Variants in MYO16 observed in about 807,000 individuals in gnomAD.
MYO16 encodes the protein myosin XVI.
A neutral mutation model predicts 205.3 loss-of-function variants in MYO16; 94 were observed. The observed-to-expected ratio is 0.46, with a 90% CI of 0.39 to 0.54. The LOEUF (loss-of-function observed/expected upper bound fraction) is 0.54. Among genes scored for constraint, MYO16 ranks in the 20% least tolerant of loss-of-function variants. The probability of loss-of-function intolerance (pLI) is 0.00; values close to 1 mark genes in which losing one functional copy is unlikely to be tolerated. For missense variants in MYO16, 2,315 were observed against 2,387.5 expected (o/e 0.97, Z 0.63); for synonymous variants, 988 against 954.0 (o/e 1.04, Z -0.66).
chr13:109,093,717 T>C (rs1270121911), intron 27 of MYO16, among the ~76,000 whole-genome samples: 2 of 152,092 alleles, frequency 1.3e-5, no homozygotes, highest in Admixed American at 1.3e-4. Context: ...TACCCAAATA[T>C]GTAGAGAGCC....
intron 15 of MYO16, among the ~76,000 whole-genome samples, chr13:108,908,525 A>G (rs1881097293): frequency 6.6e-6 from 1 of 152,184 alleles, no homozygotes; most frequent in South Asian, 2.1e-4. Flanking sequence ...AATTCATTAC[A>G]TGAGTTTTTT....
intron 9 of MYO16, among the ~76,000 whole-genome samples, chr13:108,828,583 G>T (rs138515936): frequency 6.6e-6 from 1 of 152,228 alleles, no homozygotes; most frequent in East Asian, 1.9e-4. Flanking sequence ...CCTTTGGATC[G>T]CATCTGAGTT....
intron 5 of MYO16, among the ~76,000 whole-genome samples, chr13:108,787,473 C>G (rs565989508): frequency 1.3e-5 from 2 of 152,110 alleles, no homozygotes; most frequent in African/African-American, 4.8e-5. Flanking sequence ...GAAAATAAAA[C>G]GACATTTATT....
chr13:108,958,609 G>A (rs1883470163), intron 17 of MYO16, among the ~76,000 whole-genome samples: 1 of 152,210 alleles, frequency 6.6e-6, no homozygotes, highest in Admixed American at 6.5e-5. Flanking sequence ...GATGCTTGAA[G>A]TGTGGCTAGT....
chr13:109,158,759 A>C lies in MYO16; in HGVS notation c.5165-6142A>C, dbSNP rs146391645. On this transcript the variant is annotated intron_variant, in intron 32 of 34. Coordinates refer to ENST00000457511, the MANE Select transcript of MYO16 (RefSeq NM_001198950.3). ...AAATAATAATAAAGATGAAAAATGA[A>C]CATTTAGAGAGTTAAGTGGACATTT... Among the ~76,000 whole-genome samples the C allele has an allele frequency of 3.2e-3, 480 of 152,354 alleles. 2 individuals are homozygous for C. The highest frequency in any genetic ancestry group is 0.011 in the African/African-American group (459 of 41,572).
intron 4 of MYO16, chr13:108,779,849 G>A (rs1027908603): frequency 7.9e-5 from 12 of 152,214 alleles, no homozygotes; most frequent in Admixed American, 3.3e-4. Context: ...TGGTAAAGGA[G>A]GACCCTCCGG....
At chr13:108,774,528 C>T (rs1296410597) in intron 4 of MYO16, among the ~76,000 whole-genome samples, 1 of 152,094 alleles carries the variant, frequency 6.6e-6, no homozygotes, top group East Asian at 1.9e-4. Context: ...TTTTATTTCT[C>T]TGATGAAAAT....
chr13:108,887,917 T>C (rs1273299508), intron 13 of MYO16, among the ~76,000 whole-genome samples: 1 of 152,200 alleles, frequency 6.6e-6, no homozygotes, highest in Non-Finnish European at 1.5e-5. Flanking sequence ...CCCAAGGCCA[T>C]GTGTGAGCCT....
At chr13:109,111,214 G>A (rs1267449453) in intron 28 of MYO16, among the ~76,000 whole-genome samples, 2 of 152,150 alleles carry the variant, frequency 1.3e-5, no homozygotes, top group African/African-American at 4.8e-5. Flanking sequence ...GAGATGACCT[G>A]GTAGGCACAG....
At chr13:108,749,349 C>A (rs1885157694) in intron 4 of MYO16, among the ~76,000 whole-genome samples, 2 of 152,194 alleles carry the variant, frequency 1.3e-5, no homozygotes, top group African/African-American at 4.8e-5. Flanking sequence ...CTACTTTACT[C>A]TCTGTTCCTA....
intron 9 of MYO16, among the ~76,000 whole-genome samples, chr13:108,827,008 G>A (rs1174224968): frequency 1.3e-5 from 2 of 152,088 alleles, no homozygotes; most frequent in South Asian, 4.1e-4. Flanking sequence ...GGTTTACCAC[G>A]TGACCCATAA....
chr13:108,933,907 C>G (rs1882369248), intron 16 of MYO16, among the ~76,000 whole-genome samples: 2 of 152,146 alleles, frequency 1.3e-5, no homozygotes, highest in African/African-American at 4.8e-5. Flanking sequence ...CAGCTACATT[C>G]ATGTTGCTGC....
At chr13:108,534,576 A>G in the MYO16 span, among the ~76,000 whole-genome samples, 32 of 152,082 alleles carry the variant, frequency 2.1e-4, no homozygotes, top group East Asian at 5.8e-3. Flanking sequence ...CTACCCAGGA[A>G]GGGTGAAAGT....
chr13:108,805,356 C>T (rs2138978443), intron 6 of MYO16, among the ~76,000 whole-genome samples: 1 of 152,140 alleles, frequency 6.6e-6, no homozygotes. Context: ...TATATTTACA[C>T]TCCGTAGATT....
chr13:108,752,731 G>A (rs1036294826), intron 4 of MYO16, among the ~76,000 whole-genome samples: 3 of 147,272 alleles, frequency 2.0e-5, no homozygotes, highest in Admixed American at 1.4e-4. Flanking sequence ...AACCTCTGCC[G>A]CCGGGGTTCA....
chr13:108,793,456 G>T, intron 5 of MYO16, 60 bp from the exon 6 acceptor site: 1 of 1,547,068 alleles, frequency 6.5e-7, no homozygotes, highest in African/African-American at 1.4e-5. Flanking sequence ...GCTAGGCTTT[G>T]ACCCCCAGGA....
At chr13:108,908,673 C>T (rs72654011) in intron 15 of MYO16, among the ~76,000 whole-genome samples, 12,348 of 152,036 alleles carry the variant, frequency 0.081, 906 homozygotes, top group East Asian at 0.42. Flanking sequence ...TTCACATTTG[C>T]ATTTAAAATT....
At chr13:108,670,783 C>A (rs115136941) in intron 2 of MYO16, among the ~76,000 whole-genome samples, 1,994 of 152,226 alleles carry the variant, frequency 0.013, 38 homozygotes, top group African/African-American at 0.046. Context: ...ATACATCTGT[C>A]CTTAATTTGT....
At chr13:108,906,263 C>T (rs78864937) in intron 15 of MYO16, among the ~76,000 whole-genome samples, 1,901 of 152,166 alleles carry the variant, frequency 0.012, 46 homozygotes, top group African/African-American at 0.043. Flanking sequence ...AGAATACTTG[C>T]CTTTTGATGT....
Sources: gnomAD v4.1 joint callset for allele counts (sites outside exome capture counted in the v4.1 genomes callset) on GRCh38, gnomAD v4.1.1 for gene constraint, MANE v1.5 for transcripts, NCBI Gene and HGNC (gene_info 2026-07-23, HGNC 2026-07-21) for gene names.